The following KIAA0319 variants were observed in gnomAD, a reference collection of about 807,000 sequenced individuals.
KIAA0319 encodes KIAA0319.
KIAA0319 carries 83 observed loss-of-function variants against 108.4 expected under a neutral mutation model. The ratio of observed to expected loss-of-function variants is 0.77; its 90% CI spans 0.64 to 0.92. KIAA0319 has a LOEUF of 0.92. Ranked by LOEUF, KIAA0319 falls within the 40% of genes least tolerant of loss-of-function variation. The pLI is 0.00. For synonymous variants in KIAA0319, 484 were observed against 510.4 expected (o/e 0.95, Z 0.70); for missense variants, 1,195 against 1,322.4 (o/e 0.90, Z 1.49).
At chr6:24,577,741 A>G (rs1211605872) in intron 9 of KIAA0319, among the ~76,000 whole-genome samples, 2 of 152,138 alleles carry the variant, frequency 1.3e-5, no homozygotes, top group East Asian at 3.9e-4. Context: ...CAGCAAACCA[A>G]ACATCTAAAG....
rs1760745324 is a variant in KIAA0319 at position 24,547,211 on chromosome 6, G to A, written c.3173C>T (p.Ser1058Phe). ...RGNPKVSMNGSIRNGASFSYC... is the reference protein window; with the variant it reads ...RGNPKVSMNGFIRNGASFSYC... Reference sequence around the variant, plus strand: ...ACTGAAGGAAGCTCCATTTCTGATGGAACCATTCATGGAAACCTTTGGATT... The same window carrying A: ...ACTGAAGGAAGCTCCATTTCTGATGAAACCATTCATGGAAACCTTTGGATT... Residue 1058 changes from serine to phenylalanine, a missense_variant, in exon 21 of 21, where the codon TCC (serine) becomes TTC (phenylalanine). By Grantham distance (155) the Ser-to-Phe change is radical. Coordinates refer to ENST00000378214, the MANE Select transcript of KIAA0319 (RefSeq NM_014809.4). 1 of 1,614,140 alleles carries A rather than the reference G, an allele frequency of 6.2e-7. No homozygotes were observed. The highest frequency in any genetic ancestry group is 8.5e-7 in the Non-Finnish European group (1 of 1,180,002).
chr6:24,577,854 G>A (rs946820576), intron 9 of KIAA0319, among the ~76,000 whole-genome samples: 9 of 152,030 alleles, frequency 5.9e-5, no homozygotes, highest in East Asian at 3.8e-4. Context: ...ATGGTAAAGC[G>A]TAATTAAATA....
intron 4 of KIAA0319, among the ~76,000 whole-genome samples, chr6:24,586,025 G>T (rs929620554): frequency 1.3e-5 from 2 of 152,118 alleles, no homozygotes; most frequent in African/African-American, 4.8e-5. Flanking sequence ...GGAGGCAGAG[G>T]TTGCAGTGAG....
intron 5 of KIAA0319, 35 bp downstream of exon 5, chr6:24,583,569 T>C (rs1423156580): frequency 7.1e-7 from 1 of 1,416,862 alleles, no homozygotes; most frequent in Non-Finnish European, 9.9e-7. Context: ...AACACCCCAG[T>C]TCCTAGTGGT....
intron 10 of KIAA0319, among the ~76,000 whole-genome samples, chr6:24,575,003 A>G (rs1381309668): frequency 6.6e-6 from 1 of 152,226 alleles, no homozygotes; most frequent in Admixed American, 6.5e-5. Context: ...CAAGGCGGCC[A>G]CATGTTTCAG....
At chr6:24,570,056 TG>T (rs982070155) in intron 11 of KIAA0319, 21 bp from the exon 12 acceptor site, 3 of 1,610,444 alleles carry the variant, frequency 1.9e-6, no homozygotes, top group Non-Finnish European at 2.5e-6. Context: ...AGAAACAGTG[TG>T]AAAAAGTATT....
intron 1 of KIAA0319, among the ~76,000 whole-genome samples, chr6:24,628,490 C>G (rs1775032284): frequency 6.6e-6 from 1 of 152,054 alleles, no homozygotes; most frequent in African/African-American, 2.4e-5. Flanking sequence ...TTTCCGTTCC[C>G]CCATCAGGTT....
At chr6:24,601,282 T>C in intron 1 of KIAA0319, 74 bp from the exon 2 acceptor site, 1 of 1,413,680 alleles carries the variant, frequency 7.1e-7, no homozygotes. Flanking sequence ...ATTATTTCTA[T>C]CATTCATTCA....
chr6:24,604,613 A>G (rs904647906), intron 1 of KIAA0319, among the ~76,000 whole-genome samples: 1 of 152,196 alleles, frequency 6.6e-6, no homozygotes, highest in Non-Finnish European at 1.5e-5. Flanking sequence ...ACCATATTGT[A>G]CCTGGAAAGC....
At chr6:24,555,496 CAAAAAAA>C (rs34005198) in intron 18 of KIAA0319, among the ~76,000 whole-genome samples, 36 of 80,888 alleles carry the variant, frequency 4.5e-4, no homozygotes, top group Admixed American at 2.6e-3. Flanking sequence ...GACTCCATCT[CAAAAAAA>C]AAAAAAAAAA....
At chr6:24,630,838 C>T (rs1173624567) in intron 1 of KIAA0319, among the ~76,000 whole-genome samples, 1 of 152,130 alleles carries the variant, frequency 6.6e-6, no homozygotes, top group Non-Finnish European at 1.5e-5. Flanking sequence ...TTGATTATTA[C>T]AATTTACTTC....
intron 8 of KIAA0319, 106 bp from the exon 9 acceptor site, chr6:24,578,348 G>A: frequency 1.2e-6 from 1 of 817,178 alleles, no homozygotes; most frequent in East Asian, 2.7e-5. Flanking sequence ...AAGAAATTAT[G>A]TACTTGCCTA....
intron 4 of KIAA0319, among the ~76,000 whole-genome samples, chr6:24,585,945 C>T (rs2817202): frequency 0.29 from 43,597 of 152,020 alleles, 8,097 homozygotes; most frequent in Non-Finnish European, 0.4. Context: ...AAAAATTAGC[C>T]GGGAATGGTC....
At chr6:24,619,016 C>G (rs867572874) in intron 1 of KIAA0319, among the ~76,000 whole-genome samples, 1 of 152,010 alleles carries the variant, frequency 6.6e-6, no homozygotes, top group Admixed American at 6.5e-5. Flanking sequence ...GGAAAGAGTT[C>G]CCAGGCAGAG....
chr6:24,554,699 T>C, intron 18 of KIAA0319, 68 bp from the exon 19 acceptor site: 1 of 1,127,630 alleles, frequency 8.9e-7, no homozygotes, highest in Non-Finnish European at 1.3e-6. Flanking sequence ...ATTTTGATGA[T>C]TCATAACAAC....
intron 10 of KIAA0319, among the ~76,000 whole-genome samples, chr6:24,574,868 G>A (rs564768055): frequency 2.6e-5 from 4 of 152,302 alleles, no homozygotes; most frequent in South Asian, 2.1e-4. Flanking sequence ...AGTTCAACAG[G>A]GAAAGTATAA....
intron 4 of KIAA0319, among the ~76,000 whole-genome samples, chr6:24,587,248 C>G (rs116573339): frequency 0.01 from 1,539 of 152,040 alleles, 14 homozygotes; most frequent in Middle Eastern, 0.017. Flanking sequence ...CTTGTTGCCT[C>G]TAGTCAACTC....
chr6:24,555,508 A>G, intron 18 of KIAA0319, among the ~76,000 whole-genome samples: 1 of 151,880 alleles, frequency 6.6e-6, no homozygotes, highest in East Asian at 1.9e-4. Context: ...AAAAAAAAAA[A>G]AAAAAAAAAA....
rs1770595766 is a variant in KIAA0319, at chr6:24,601,338, A to G, written c.-105-130T>C. On this transcript the variant is annotated intron_variant, in intron 1 of 20. Coordinates refer to ENST00000378214, the MANE Select transcript of KIAA0319 (RefSeq NM_014809.4). ...TGGTCACATCACAGAGCCACAACCC[A>G]GGCAAACATCCACCTAGAGCGTTTG... 3.0e-6 allele frequency: 4 copies of G among 1,337,120 alleles called. No homozygotes were observed. In the African/African-American group the frequency reaches 4.4e-5, roughly 15 times the overall value. 82.8% of individuals were successfully genotyped at this position (1,337,120 alleles called of 1,614,324 possible).
Sources: allele counts gnomAD v4.1 joint callset (sites outside exome capture counted in the v4.1 genomes callset), GRCh38; gene constraint gnomAD v4.1.1; transcripts MANE v1.5; gene names NCBI Gene and HGNC (gene_info 2026-07-23, HGNC 2026-07-21).